IGF1R: variants seen among roughly 807,000 people sequenced by gnomAD.
IGF1R encodes insulin like growth factor 1 receptor, also known as insulin-like growth factor 1 receptor.
In IGF1R, 44 loss-of-function variants were observed where a neutral mutation model predicts 144.6. That is an observed-to-expected ratio of 0.30 (90% CI 0.24 to 0.39). The LOEUF is 0.39. Among genes scored for constraint, IGF1R ranks in the 10% least tolerant of loss-of-function variants. IGF1R has a pLI of 1.00. For missense variants in IGF1R, 1,355 were observed against 1,833.7 expected (o/e 0.74, Z 4.77); for synonymous variants, 795 against 722.8 (o/e 1.10, Z -1.60).
intron 2 of IGF1R, among the ~76,000 whole-genome samples, chr15:98,845,865 CCTAA>C (rs1225393314): frequency 2.0e-5 from 3 of 151,992 alleles, no homozygotes; most frequent in Admixed American, 6.5e-5. Context: ...TTAAAGGTGC[CCTAA>C]CTAAAATTTT....
chr15:98,903,770 G>T (rs1317610981), intron 5 of IGF1R, among the ~76,000 whole-genome samples: 1 of 152,178 alleles, frequency 6.6e-6, no homozygotes, highest in Non-Finnish European at 1.5e-5. Context: ...TATGACACGT[G>T]TTACAACATG....
In IGF1R at chr15:98,806,172, G is replaced by A. The variant is rs148678874; in HGVS notation, c.641-85153G>A. Reference sequence around the variant, plus strand: ...CACAAAATTCCAGAAAGTAGTTGACGTCCTATTACTGGTTTACCGTGAAGG... The same window carrying A: ...CACAAAATTCCAGAAAGTAGTTGACATCCTATTACTGGTTTACCGTGAAGG... On this transcript the variant is annotated intron_variant, in intron 2 of 20. Coordinates refer to ENST00000650285, the MANE Select transcript of IGF1R (RefSeq NM_000875.5). 3.5e-3 allele frequency among the ~76,000 whole-genome samples: 540 copies of A among 152,248 alleles called. 1 individual carries two copies. Among genetic ancestry groups the A allele is most frequent in the African/African-American group, 0.012 (505 of 41,556 alleles).
intron 2 of IGF1R, among the ~76,000 whole-genome samples, chr15:98,749,674 T>G (rs2054957196): frequency 6.6e-6 from 1 of 152,208 alleles, no homozygotes; most frequent in African/African-American, 2.4e-5. Flanking sequence ...ATGAAGTCAG[T>G]AACAATTATG....
At chr15:98,858,370 C>G (rs2011951559) in intron 2 of IGF1R, among the ~76,000 whole-genome samples, 1 of 152,206 alleles carries the variant, frequency 6.6e-6, no homozygotes, top group Non-Finnish European at 1.5e-5. Flanking sequence ...TGTCTTCATT[C>G]CTTTTAATCT....
intron 2 of IGF1R, among the ~76,000 whole-genome samples, chr15:98,844,111 C>T (rs147578833): frequency 8.5e-5 from 13 of 152,088 alleles, no homozygotes; most frequent in African/African-American, 2.2e-4. Flanking sequence ...TAAGTCTGGG[C>T]GGCAGTGGAA....
chr15:98,774,482 C>T (rs1010936799), intron 2 of IGF1R, among the ~76,000 whole-genome samples: 5 of 152,100 alleles, frequency 3.3e-5, no homozygotes, highest in African/African-American at 1.2e-4. Context: ...AGGATTGTTT[C>T]TTTAAGAAGA....
At chr15:98,806,530 C>G (rs1366148434) in intron 2 of IGF1R, among the ~76,000 whole-genome samples, 1 of 152,008 alleles carries the variant, frequency 6.6e-6, no homozygotes, top group African/African-American at 2.4e-5. Flanking sequence ...AGGAGACTCT[C>G]TCTCTCATTG....
At chr15:98,785,027 A>G (rs1220819372) in intron 2 of IGF1R, among the ~76,000 whole-genome samples, 4 of 152,214 alleles carry the variant, frequency 2.6e-5, no homozygotes, top group Non-Finnish European at 4.4e-5. Context: ...TCATGTGTAT[A>G]TATATATGTG....
At chr15:98,821,077 G>A (rs2056792872) in intron 2 of IGF1R, 1 of 152,212 alleles carries the variant, frequency 6.6e-6, no homozygotes, top group Non-Finnish European at 1.5e-5. Context: ...TGAGTTACAA[G>A]AAGGTTAAGT....
rs142605221 is a variant in IGF1R at position 98,809,573 on chromosome 15, C to T, written c.641-81752C>T. 2.4e-3 allele frequency among the ~76,000 whole-genome samples: 358 copies of T among 152,280 alleles called. 2 individuals carry two copies. The highest frequency in any genetic ancestry group is 8.2e-3 in the African/African-American group (342 of 41,548). On this transcript the variant is annotated intron_variant, in intron 2 of 20. Transcript: ENST00000650285. ...TTTTCCCTCCATGTTTTTATAAAAC[C>T]GCTGAGTAGACACCAGATTATAAAT...
chr15:98,871,167 A>G (rs1027455483), intron 2 of IGF1R, among the ~76,000 whole-genome samples: 2 of 152,264 alleles, frequency 1.3e-5, no homozygotes, highest in Non-Finnish European at 2.9e-5. Flanking sequence ...ATAATGGCAG[A>G]TATTTAGACC....
At chr15:98,950,178 C>T (rs2016719342) in intron 20 of IGF1R, among the ~76,000 whole-genome samples, 1 of 152,214 alleles carries the variant, frequency 6.6e-6, no homozygotes, top group African/African-American at 2.4e-5. Context: ...AGGCACCCAG[C>T]TCCTATCTCT....
intron 2 of IGF1R, among the ~76,000 whole-genome samples, chr15:98,782,159 G>T (rs1194181421): frequency 6.6e-6 from 1 of 152,008 alleles, no homozygotes. Context: ...AGTATTCCTT[G>T]AAAGAATTGA....
intron 2 of IGF1R, among the ~76,000 whole-genome samples, chr15:98,733,987 T>C (rs771912993): frequency 1.3e-5 from 2 of 152,156 alleles, no homozygotes; most frequent in Non-Finnish European, 2.9e-5. Flanking sequence ...GTAGTGGCGA[T>C]TGATTAGTGT....
chr15:98,737,017 A>T (rs2054627271), intron 2 of IGF1R, among the ~76,000 whole-genome samples: 1 of 152,094 alleles, frequency 6.6e-6, no homozygotes, highest in South Asian at 2.1e-4. Context: ...TAGAACTAAG[A>T]TGTATTCAAA....
chr15:98,882,730 A>G (rs901609157), intron 2 of IGF1R, among the ~76,000 whole-genome samples: 3 of 152,168 alleles, frequency 2.0e-5, no homozygotes, highest in East Asian at 1.9e-4. Flanking sequence ...ACCCTAGTAC[A>G]TTAGGAAGTT....
intron 1 of IGF1R, among the ~76,000 whole-genome samples, chr15:98,657,238 G>T (rs28680698): frequency 2.0e-5 from 3 of 152,002 alleles, no homozygotes; most frequent in African/African-American, 7.3e-5. Context: ...GAATTTATTT[G>T]TAGGAGTTTT....
intron 2 of IGF1R, among the ~76,000 whole-genome samples, chr15:98,840,933 G>A (rs933299312): frequency 2.6e-4 from 40 of 152,156 alleles, no homozygotes; most frequent in African/African-American, 9.4e-4. Context: ...CGCCCGCCTC[G>A]GCCTCCCAAA....
intron 1 of IGF1R, among the ~76,000 whole-genome samples, chr15:98,693,845 G>C (rs577595627): frequency 6.6e-6 from 1 of 152,218 alleles, no homozygotes; most frequent in Admixed American, 6.5e-5. Flanking sequence ...GCCTCAAGCA[G>C]TGCGCCTGCC....
Sources: gnomAD v4.1 joint callset for allele counts (sites outside exome capture counted in the v4.1 genomes callset) on GRCh38, gnomAD v4.1.1 for gene constraint, MANE v1.5 for transcripts, NCBI Gene and HGNC (gene_info 2026-07-23, HGNC 2026-07-21) for gene names.